Variants in CFAP20DC observed in about 807,000 individuals in gnomAD.
CFAP20DC encodes the protein CFAP20 domain containing.
A neutral mutation model predicts 101.7 loss-of-function variants in CFAP20DC; 84 were observed. That is an observed-to-expected ratio of 0.83 (90% CI 0.69 to 0.99). The LOEUF (loss-of-function observed/expected upper bound fraction) is 0.99. Ranked by LOEUF, CFAP20DC falls within the 50% of genes least tolerant of loss-of-function variation. The pLI is 0.00. For synonymous variants in CFAP20DC, 359 were observed against 351.2 expected, an observed-to-expected ratio of 1.02 and a Z score of -0.25; for missense variants, 1,007 against 970.3, an observed-to-expected ratio of 1.04 and a Z score of -0.50.
chr3:58,785,471 G>C (rs1262319140), intron 15 of CFAP20DC, among the ~76,000 whole-genome samples: 2 of 152,068 alleles, frequency 1.3e-5, no homozygotes, highest in Non-Finnish European at 2.9e-5. Context: ...AAATATTCAA[G>C]ATGGATACCC....
At chr3:58,736,418 T>A (rs2067757551) in intron 3 of CFAP20DC, among the ~76,000 whole-genome samples, 1 of 152,336 alleles carries the variant, frequency 6.6e-6, no homozygotes, top group African/African-American at 2.4e-5. Context: ...CTGGGGATGA[T>A]TCTAATCCCA....
At chr3:58,883,175 G>A (rs915413341) in intron 7 of CFAP20DC, among the ~76,000 whole-genome samples, 1 of 152,140 alleles carries the variant, frequency 6.6e-6, no homozygotes, top group African/African-American at 2.4e-5. Flanking sequence ...TCTATTACCT[G>A]AGAATCACTG....
At chr3:59,047,705 G>A (rs1306677916) in intron 1 of CFAP20DC, among the ~76,000 whole-genome samples, 2 of 152,078 alleles carry the variant, frequency 1.3e-5, no homozygotes, top group East Asian at 3.8e-4. Context: ...CTCCAACACT[G>A]GCTTTTTAAC....
chr3:58,856,983 G>A (rs894845627), intron 12 of CFAP20DC, among the ~76,000 whole-genome samples: 1 of 152,032 alleles, frequency 6.6e-6, no homozygotes, highest in East Asian at 1.9e-4. Context: ...TGTATATGAC[G>A]TAGGTAGAAA....
intron 15 of CFAP20DC, among the ~76,000 whole-genome samples, chr3:58,777,560 G>T (rs13326196): frequency 0.12 from 18,163 of 152,124 alleles, 1,953 homozygotes; most frequent in East Asian, 0.35. Flanking sequence ...TGATATCTAT[G>T]GAATATATTT....
intron 13 of CFAP20DC, among the ~76,000 whole-genome samples, chr3:58,845,129 A>G (rs1051062413): frequency 1.3e-5 from 2 of 150,748 alleles, no homozygotes; most frequent in African/African-American, 2.5e-5. Flanking sequence ...AAACACATTC[A>G]AAAGCTAGCA....
downstream of CFAP20DC, among the ~76,000 whole-genome samples, chr3:58,740,324 C>T (rs1469462401): frequency 6.6e-6 from 1 of 152,136 alleles, no homozygotes; most frequent in East Asian, 1.9e-4. The surrounding 1 kb of genome is among the most constrained non-coding windows in gnomAD (Gnocchi z 4.6). Context: ...CAGGGAGTAT[C>T]TCATTCCCAT....
At chr3:58,918,374 T>C (rs957465509) in intron 5 of CFAP20DC, among the ~76,000 whole-genome samples, 1 of 152,162 alleles carries the variant, frequency 6.6e-6, no homozygotes, top group African/African-American at 2.4e-5. Context: ...TGGTCATTCC[T>C]GTCACTCCTA....
intron 12 of CFAP20DC, among the ~76,000 whole-genome samples, chr3:58,857,810 A>T (rs2108416667): frequency 6.6e-6 from 1 of 152,290 alleles, no homozygotes. Flanking sequence ...ATTTATTAGG[A>T]GTGGGTGCAC....
intron 3 of CFAP20DC, among the ~76,000 whole-genome samples, chr3:59,041,494 A>G (rs528873472): frequency 3.3e-5 from 5 of 152,234 alleles, no homozygotes; most frequent in African/African-American, 1.2e-4. Context: ...AATAAATTCT[A>G]TAGTAACATT....
chr3:59,014,769 T>C lies in CFAP20DC; in HGVS notation c.278+24788A>G, dbSNP rs2093655580. The stretch of plus-strand genomic sequence containing the variant: ...TACATATGGTGGTAGTACTACATAA[T>C]GGTGGAAGGCAGTAGTACTACATAT... On this transcript the variant is annotated intron_variant, in intron 4 of 16. Coordinates refer to ENST00000482387, the MANE Select transcript of CFAP20DC (RefSeq NM_001394063.1). The surrounding 1 kb of genome is among the most constrained non-coding windows in gnomAD (Gnocchi z 4.9). Among the ~76,000 whole-genome samples, 1 of 152,098 alleles carries C rather than the reference T, an allele frequency of 6.6e-6. No homozygotes were observed. Among genetic ancestry groups the C allele is most frequent in the African/African-American group, 2.4e-5 (1 of 41,418 alleles).
At chr3:58,960,127 A>G (rs776451655) in intron 4 of CFAP20DC, among the ~76,000 whole-genome samples, 1 of 152,118 alleles carries the variant, frequency 6.6e-6, no homozygotes, top group Non-Finnish European at 1.5e-5. Flanking sequence ...CTCCTGTTTC[A>G]CTGATTTTGG....
chr3:58,743,325 T>C (rs2107141860), intron 16 of CFAP20DC, among the ~76,000 whole-genome samples: 1 of 152,026 alleles, frequency 6.6e-6, no homozygotes, highest in Non-Finnish European at 1.5e-5. Context: ...CTTTTATGTG[T>C]TCAGTGTTGT....
At chr3:58,803,047 T>C (rs1223865741) in intron 15 of CFAP20DC, among the ~76,000 whole-genome samples, 1 of 152,170 alleles carries the variant, frequency 6.6e-6, no homozygotes, top group Non-Finnish European at 1.5e-5. Context: ...ATAAAGCTAT[T>C]TGAAAGGTGA....
chr3:58,834,222 G>A (rs2076585970), intron 13 of CFAP20DC, among the ~76,000 whole-genome samples: 1 of 152,088 alleles, frequency 6.6e-6, no homozygotes, highest in South Asian at 2.1e-4. Context: ...TTTAAAAAAA[G>A]GAGTTTGGTA....
In CFAP20DC at chr3:58,788,291, T is replaced by C. The variant is rs1165321794; in HGVS notation, c.2237+18104A>G. The stretch of plus-strand genomic sequence containing the variant: ...TGGGGCCGTCTATTGGAGATGGATG[T>C]TTCTAATATAATGGGCCCCTCAGAT... On this transcript the variant is annotated intron_variant, in intron 15 of 16. Transcript: ENST00000482387. This position sits in a 1 kb window ranked among gnomAD's most constrained non-coding sequence, Gnocchi z 4.2. 2.0e-5 allele frequency among the ~76,000 whole-genome samples: 3 copies of C among 152,006 alleles called. No homozygotes were observed. The highest frequency in any genetic ancestry group is 4.4e-5 in the Non-Finnish European group (3 of 67,990).
chr3:58,841,914 G>A (rs1454458803), intron 13 of CFAP20DC, among the ~76,000 whole-genome samples: 1 of 152,196 alleles, frequency 6.6e-6, no homozygotes, highest in Non-Finnish European at 1.5e-5. Flanking sequence ...ACATTTGCCA[G>A]TTTAAAATGA....
chr3:58,906,408 A>G (rs1018806013), intron 6 of CFAP20DC, among the ~76,000 whole-genome samples: 2 of 152,180 alleles, frequency 1.3e-5, no homozygotes, highest in African/African-American at 4.8e-5. Flanking sequence ...CAGGACAGGA[A>G]CTGAGCTCTA....
intron 14 of CFAP20DC, among the ~76,000 whole-genome samples, chr3:58,816,000 C>G (rs1373752112): frequency 1.3e-5 from 2 of 151,722 alleles, no homozygotes; most frequent in Non-Finnish European, 2.9e-5. Flanking sequence ...CCCAGCCATC[C>G]CATTACTGGG....
Sources: gnomAD v4.1 joint callset for allele counts (sites outside exome capture counted in the v4.1 genomes callset) on GRCh38, gnomAD v4.1.1 for gene constraint, Gnocchi (gnomAD v3.1) non-coding constraint, MANE v1.5 for transcripts, NCBI Gene and HGNC (gene_info 2026-07-23, HGNC 2026-07-21) for gene names.